Variants in CHST15 observed in about 807,000 individuals in gnomAD.
The protein encoded by CHST15 is B cell RAG associated protein (GALNAC4S-6ST).
Under a neutral mutation model 53.6 loss-of-function variants are expected in CHST15, and 30 were observed. The ratio of observed to expected loss-of-function variants is 0.56; its 90% confidence interval spans 0.42 to 0.76. The LOEUF (loss-of-function observed/expected upper bound fraction) is 0.76, where lower values mean the gene tolerates loss of function less well. Ranked by LOEUF, CHST15 falls within the 30% of genes least tolerant of loss-of-function variation. The pLI, the probability that CHST15 is intolerant of heterozygous loss-of-function variation, is 0.00. For synonymous variants in CHST15, 296 were observed against 289.8 expected (o/e 1.02, Z -0.22); for missense variants, 627 against 740.5 (o/e 0.85, Z 1.78).
chr10:124,044,717 A>G lies in CHST15; in HGVS notation c.749T>C (p.Leu250Pro), dbSNP rs373115407. Residue 250 changes from leucine to proline, a missense_variant, in exon 3 of 8, where the codon CTG (leucine) becomes CCG (proline). Physicochemically the swap from Leu to Pro is moderately conservative, Grantham distance 98. Around this residue, in one of 3 missense-constraint regions of CHST15, gnomAD observed 161 missense variants for 117.2 expected, o/e 1.37. Coordinates refer to ENST00000435907, the MANE Select transcript of CHST15 (RefSeq NM_001270764.2). ...LAHAHGKHFR[L>P]RCLPHFYIIG... ...GATGTAGAAGTGCGGCAGGCAGCGC[A>G]GGCGGAAGTGCTTCCCGTGCGCGTG... 3.1e-6 allele frequency: 5 copies of G among 1,613,814 alleles called. No homozygotes were observed. Among genetic ancestry groups the G allele is most frequent in the Non-Finnish European group, 3.4e-6 (4 of 1,179,910 alleles).
chr10:124,082,389 C>T (rs780882737), intron 1 of CHST15, among the ~76,000 whole-genome samples: 2 of 152,168 alleles, frequency 1.3e-5, no homozygotes, highest in East Asian at 1.9e-4. Context: ...GGCTGAACCA[C>T]GTTCGCCCGA....
intron 1 of CHST15, among the ~76,000 whole-genome samples, chr10:124,060,381 G>A: frequency 6.6e-6 from 1 of 151,266 alleles, no homozygotes; most frequent in African/African-American, 2.4e-5. Context: ...AATGTGCGAA[G>A]GTGTGCCAGG....
intron 5 of CHST15, among the ~76,000 whole-genome samples, chr10:124,028,127 C>T (rs79612831): frequency 1.2e-3 from 178 of 152,286 alleles, no homozygotes; most frequent in African/African-American, 3.9e-3. Context: ...TCCAATGCCA[C>T]GGTCGGGAAC....
At chr10:124,082,131 A>G (rs1279437142) in intron 1 of CHST15, among the ~76,000 whole-genome samples, 2 of 152,146 alleles carry the variant, frequency 1.3e-5, no homozygotes, top group Non-Finnish European at 2.9e-5. Context: ...GAAAACAGGC[A>G]AGAGTACATT....
rs1307777348 is a variant in CHST15, at chr10:124,044,154, ACGGCACAGAGCTTGGGAG to A, written c.886+408_886+425del. Reference sequence around the variant, plus strand: ...GCAGAGGACCGGCACAGAGCAGGAAACGGCACAGAGCTTGGGAGCGGCACAGAGCTTGGGAGCGGCACA... The same window carrying A: ...GCAGAGGACCGGCACAGAGCAGGAAACGGCACAGAGCTTGGGAGCGGCACA... On this transcript the variant is annotated intron_variant, in intron 3 of 7. Transcript: ENST00000435907. Among the ~76,000 whole-genome samples the A allele has an allele frequency of 1.9e-3, 281 of 149,516 alleles. 3 individuals are homozygous for A. Among genetic ancestry groups the A allele is most frequent in the Middle Eastern group, 6.8e-3 (2 of 294 alleles).
intron 5 of CHST15, among the ~76,000 whole-genome samples, chr10:124,035,331 T>C (rs1481599656): frequency 8.1e-5 from 10 of 123,330 alleles, no homozygotes; most frequent in African/African-American, 1.9e-4. Flanking sequence ...ACAGGGACCC[T>C]GGCTCCACCC....
intron 1 of CHST15, among the ~76,000 whole-genome samples, chr10:124,049,873 T>A (rs973488462): frequency 1.3e-5 from 2 of 152,154 alleles, no homozygotes; most frequent in Non-Finnish European, 2.9e-5. Flanking sequence ...TACTTGGGAC[T>A]GGCATCTGAA....
intron 1 of CHST15, among the ~76,000 whole-genome samples, chr10:124,068,562 G>A (rs977322183): frequency 3.3e-5 from 5 of 152,062 alleles, no homozygotes; most frequent in African/African-American, 4.8e-5. Flanking sequence ...TTATTCCAGC[G>A]TCTCCTAGAG....
intron 1 of CHST15, among the ~76,000 whole-genome samples, chr10:124,050,461 G>T (rs1948152086): frequency 6.6e-6 from 1 of 152,230 alleles, no homozygotes; most frequent in Admixed American, 6.5e-5. Context: ...CCTAGGGCTG[G>T]CCCATGCTTT....
chr10:124,015,026 C>T (rs1157622574), intron 6 of CHST15, among the ~76,000 whole-genome samples: 1 of 152,132 alleles, frequency 6.6e-6, no homozygotes, highest in Non-Finnish European at 1.5e-5. Flanking sequence ...GGGGCTAGCT[C>T]CCCTCCCGCT....
At chr10:124,020,591 G>C (rs1946741921) in intron 6 of CHST15, 1 of 986,882 alleles carries the variant, frequency 1.0e-6, no homozygotes, top group African/African-American at 1.7e-5. Context: ...ACGCTGAGCA[G>C]AGCAAGGCTT....
intron 1 of CHST15, among the ~76,000 whole-genome samples, chr10:124,054,608 T>G (rs1317618220): frequency 6.6e-6 from 1 of 152,204 alleles, no homozygotes; most frequent in Non-Finnish European, 1.5e-5. Flanking sequence ...TAAGACATTA[T>G]GCCAGGCTTG....
chr10:124,044,544 C>G (rs759024411), intron 3 of CHST15, 36 bp downstream of exon 3: 6 of 1,441,354 alleles, frequency 4.2e-6, no homozygotes, highest in Non-Finnish European at 4.6e-6. Flanking sequence ...AATGAAGGAA[C>G]GAGACCAGAC....
chr10:124,087,078 G>T (rs897385765), intron 1 of CHST15, among the ~76,000 whole-genome samples: 1 of 152,214 alleles, frequency 6.6e-6, no homozygotes, highest in East Asian at 1.9e-4. Flanking sequence ...GCTGCCAGGG[G>T]TTACAAAAGG....
At chr10:124,017,323 T>C (rs1946620047) in intron 6 of CHST15, among the ~76,000 whole-genome samples, 1 of 152,146 alleles carries the variant, frequency 6.6e-6, no homozygotes, top group Admixed American at 6.5e-5. Context: ...GAGAACTCAG[T>C]GGTCCCAGGG....
chr10:124,009,744 G>C lies in CHST15; in HGVS notation c.*405C>G. 9.6e-7 allele frequency: 1 copy of C among 1,040,966 alleles called. No homozygotes were observed. 64.5% of individuals were successfully genotyped at this position (1,040,966 alleles called of 1,614,324 possible). On this transcript the variant is annotated 3_prime_UTR_variant, in exon 8 of 8. Coordinates refer to ENST00000435907, the MANE Select transcript of CHST15 (RefSeq NM_001270764.2). ...AAGGGAACGTGAAGTGTAAGTTCCAGCCAGGCCTGTGGCATGACCTCTGGC... is the reference window on the plus strand; with the variant it reads ...AAGGGAACGTGAAGTGTAAGTTCCACCCAGGCCTGTGGCATGACCTCTGGC...
At position 124,021,083 on chromosome 10, in the gene CHST15, C is replaced by T. The variant is rs562834474; in HGVS notation, c.1347+173G>A. The T allele has an allele frequency of 1.8e-5, 27 of 1,470,738 alleles. No individual in the cohort carries two copies. In the African/African-American group the frequency reaches 3.6e-4, roughly 20 times the overall value. The allele number at this position is 1,470,738 out of a possible 1,614,324, so 91.1% of individuals were successfully genotyped here. A position where few individuals can be genotyped will look rare whatever the true frequency, so the allele number is the denominator to read the frequency against. On this transcript the variant is annotated intron_variant, in intron 6 of 7. Transcript: ENST00000435907. The stretch of plus-strand genomic sequence containing the variant: ...GGCAGGAGCCAGACCAAGAGCCCAT[C>T]AGTTTTCAGCTTTTACATCCATGAA...
At chr10:124,012,226 G>A in intron 7 of CHST15, 107 bp downstream of exon 7, 1 of 1,336,354 alleles carries the variant, frequency 7.5e-7, no homozygotes, top group Non-Finnish European at 1.0e-6. Context: ...TCCCAGCTCA[G>A]CCCATTCCCA....
At chr10:124,047,113 T>C (rs765793498) in intron 1 of CHST15, among the ~76,000 whole-genome samples, 27 of 152,228 alleles carry the variant, frequency 1.8e-4, no homozygotes, top group Non-Finnish European at 4.0e-4. Flanking sequence ...ATTTGAGGGA[T>C]GGATTGAAAT....
Sources: allele counts gnomAD v4.1 joint callset (sites outside exome capture counted in the v4.1 genomes callset), GRCh38; gene constraint gnomAD v4.1.1; regional missense constraint gnomAD v4.1.1; transcripts MANE v1.5; gene names NCBI Gene and HGNC (gene_info 2026-07-23, HGNC 2026-07-21).